HEMK2: variants seen among roughly 807,000 people sequenced by gnomAD.
HEMK2 encodes methyltransferase HEMK2.
chr21:28,797,945 C>T, the HEMK2 span, among the ~76,000 whole-genome samples: 1 of 152,006 alleles, frequency 6.6e-6, no homozygotes, highest in Non-Finnish European at 1.5e-5. Flanking sequence ...CATGGCTGGA[C>T]TTACTGATCC....
the HEMK2 span, among the ~76,000 whole-genome samples, chr21:28,821,111 T>C: frequency 3.2e-4 from 49 of 152,370 alleles, no homozygotes; most frequent in Admixed American, 2.0e-4. Flanking sequence ...AGTTTTTGTC[T>C]GACTTTGGAC....
At chr21:28,771,518 A>ACCCCCCCCCCCCCCCCC in the HEMK2 span, among the ~76,000 whole-genome samples, 8 of 105,648 alleles carry the variant, frequency 7.6e-5, no homozygotes, top group Non-Finnish European at 1.2e-4. Flanking sequence ...AAGATGCACC[A>ACCCCCCCCCCCCCCCCC]CCCCCCCCCG....
At chr21:28,632,703 AT>A in the HEMK2 span, among the ~76,000 whole-genome samples, 2 of 152,304 alleles carry the variant, frequency 1.3e-5, 1 homozygote, top group South Asian at 4.1e-4. Flanking sequence ...AAAAAGTTAT[AT>A]TTATAGAAAA....
At chr21:28,803,377 T>C in the HEMK2 span, among the ~76,000 whole-genome samples, 2 of 152,132 alleles carry the variant, frequency 1.3e-5, no homozygotes, top group South Asian at 4.1e-4. Flanking sequence ...ATGGCCTTTG[T>C]ATACATAGTC....
At chr21:28,772,126 AT>A in the HEMK2 span, among the ~76,000 whole-genome samples, 5 of 152,284 alleles carry the variant, frequency 3.3e-5, no homozygotes, top group East Asian at 5.8e-4. Flanking sequence ...GAGAAAATGC[AT>A]CGTCTGTGGT....
the HEMK2 span, among the ~76,000 whole-genome samples, chr21:28,802,553 C>G: frequency 6.6e-6 from 1 of 151,950 alleles, no homozygotes; most frequent in African/African-American, 2.4e-5. Context: ...AATAGTGAAA[C>G]CCCGTCTCTA....
the HEMK2 span, among the ~76,000 whole-genome samples, chr21:28,627,377 G>A: frequency 6.6e-6 from 1 of 152,124 alleles, no homozygotes. Context: ...TGATGAATCT[G>A]ATTTAAAATA....
the HEMK2 span, among the ~76,000 whole-genome samples, chr21:28,651,579 T>C: frequency 6.6e-6 from 1 of 152,242 alleles, no homozygotes; most frequent in Non-Finnish European, 1.5e-5. Flanking sequence ...AATTAATACC[T>C]ATCACAAGAA....
the HEMK2 span, among the ~76,000 whole-genome samples, chr21:28,678,012 C>T: frequency 6.6e-6 from 1 of 152,242 alleles, no homozygotes; most frequent in Non-Finnish European, 1.5e-5. Context: ...AGGAATGCAG[C>T]TCCTCACCAG....
chr21:28,672,297 A>T, the HEMK2 span, among the ~76,000 whole-genome samples: 1 of 151,964 alleles, frequency 6.6e-6, no homozygotes, highest in Non-Finnish European at 1.5e-5. Flanking sequence ...ACCAATCTAT[A>T]AGGGATACTG....
At chr21:28,643,110 A>G in the HEMK2 span, among the ~76,000 whole-genome samples, 1 of 152,158 alleles carries the variant, frequency 6.6e-6, no homozygotes, top group East Asian at 1.9e-4. Flanking sequence ...TTGGACAGGC[A>G]TGTGTTCCCC....
At chr21:28,791,059 G>T in the HEMK2 span, among the ~76,000 whole-genome samples, 1 of 152,140 alleles carries the variant, frequency 6.6e-6, no homozygotes, top group African/African-American at 2.4e-5. Flanking sequence ...TGAGCCAGTG[G>T]TTAGACATAG....
chr21:28,856,853 C>A, the HEMK2 span, among the ~76,000 whole-genome samples: 2 of 152,202 alleles, frequency 1.3e-5, no homozygotes, highest in Non-Finnish European at 2.9e-5. Flanking sequence ...CTGAGCTGTG[C>A]GGACTCCCAG....
the HEMK2 span, among the ~76,000 whole-genome samples, chr21:28,751,254 A>G: frequency 1.3e-5 from 2 of 151,352 alleles, no homozygotes; most frequent in African/African-American, 2.4e-5. Flanking sequence ...AAAAAAAGAT[A>G]CATTAGTTCA....
the HEMK2 span, chr21:28,878,108 T>C: frequency 2.5e-6 from 3 of 1,215,108 alleles, no homozygotes; most frequent in Middle Eastern, 2.8e-4. Context: ...CATGCCAGGT[T>C]ATCTTATAAA....
chr21:28,807,680 G>C, the HEMK2 span, among the ~76,000 whole-genome samples: 1 of 152,128 alleles, frequency 6.6e-6, no homozygotes, highest in Admixed American at 6.5e-5. Flanking sequence ...GTCCTTAGTG[G>C]AGAGCCATCA....
chr21:28,820,658 T>A, the HEMK2 span, among the ~76,000 whole-genome samples: 1 of 152,208 alleles, frequency 6.6e-6, no homozygotes, highest in East Asian at 1.9e-4. Flanking sequence ...TAGTAATAAA[T>A]CTGTGTGCCT....
the HEMK2 span, among the ~76,000 whole-genome samples, chr21:28,601,125 G>A: frequency 0.018 from 2,711 of 152,202 alleles, 107 homozygotes; most frequent in African/African-American, 0.063. Context: ...CACCGGTATC[G>A]TGTGCCTGGT....
At chr21:28,704,517 C>A in the HEMK2 span, among the ~76,000 whole-genome samples, 1 of 146,782 alleles carries the variant, frequency 6.8e-6, no homozygotes, top group African/African-American at 2.5e-5. Context: ...TAAATATTTT[C>A]TTCATACCAT....
Sources: allele counts gnomAD v4.1 joint callset (sites outside exome capture counted in the v4.1 genomes callset), GRCh38; gene constraint gnomAD v4.1.1; transcripts MANE v1.5; gene names NCBI Gene and HGNC (gene_info 2026-07-23, HGNC 2026-07-21).